Variants in LIPC observed in about 807,000 individuals in gnomAD.
LIPC encodes the protein lipase C, hepatic type.
Under a neutral mutation model 50.7 loss-of-function variants are expected in LIPC, and 44 were observed. That is an observed-to-expected ratio of 0.87 (90% CI 0.68 to 1.11). LIPC has a LOEUF of 1.11. Among genes scored for constraint, LIPC ranks in the 50% most tolerant of loss-of-function variants. The probability of loss-of-function intolerance (pLI) is 0.00; values close to 1 mark genes in which losing one functional copy is unlikely to be tolerated. For missense variants in LIPC, 697 were observed against 648.2 expected, an observed-to-expected ratio of 1.08 and a Z score of -0.82; for synonymous variants, 271 against 256.4, an observed-to-expected ratio of 1.06 and a Z score of -0.54.
At position 58,548,561 on chromosome 15, in the gene LIPC, C is replaced by T. The variant is rs771057642; in HGVS notation, c.1040C>T (p.Ser347Phe). The T allele has an allele frequency of 4.4e-6, 7 of 1,591,074 alleles. No homozygotes were observed. The highest frequency in any genetic ancestry group is 1.8e-5 in the Admixed American group (1 of 55,990). ...CTCTTCCTCGTAACGCGAGCCCAGT[C>T]CCCCTTCAAAGGTGAGTGTGGAGCT... ...KRLFLVTRAQ[S>F]PFKVYHYQFK... Residue 347 changes from serine (S) to phenylalanine (F), a missense_variant, in exon 6 of 9, where the codon TCC becomes TTC. Ser to Phe is a radical substitution (Grantham distance 155, BLOSUM62 -2). Coordinates refer to ENST00000299022, the MANE Select transcript of LIPC (RefSeq NM_000236.3).
chr15:58,449,771 T>A (rs199591803), intron 1 of LIPC, among the ~76,000 whole-genome samples: 7 of 152,136 alleles, frequency 4.6e-5, no homozygotes, highest in Admixed American at 4.6e-4. Flanking sequence ...AACTCCTGAC[T>A]TCAAGAGATC....
intron 1 of LIPC, among the ~76,000 whole-genome samples, chr15:58,434,135 C>G (rs1279118372): frequency 6.6e-6 from 1 of 152,024 alleles, no homozygotes; most frequent in African/African-American, 2.4e-5. Flanking sequence ...GGGTAGAGGC[C>G]AGGGAAGCTG....
At position 58,538,513 on chromosome 15, in the gene LIPC, G is replaced by T; in HGVS notation, c.269G>T (p.Trp90Leu). The T allele has an allele frequency of 6.2e-7, 1 of 1,613,872 alleles. No individual in the cohort carries two copies. Among genetic ancestry groups the T allele is most frequent in the Admixed American group, 1.7e-5 (1 of 59,998 alleles). ...CCTCTGGTGATGATAATCCACGGGTGGTCGGTAGGAAATGCTGACATGCCG... is the reference window on the plus strand; with the variant it reads ...CCTCTGGTGATGATAATCCACGGGTTGTCGGTAGGAAATGCTGACATGCCG... Reference protein sequence around the residue: ...SLPLVMIIHGWSVDGVLENWI... With the variant: ...SLPLVMIIHGLSVDGVLENWI... Residue 90 changes from tryptophan (W) to leucine (L), a missense_variant, in exon 2 of 9, where the codon TGG becomes TTG. Transcript: ENST00000299022.
chr15:58,482,695 C>A (rs1171985599), intron 1 of LIPC, among the ~76,000 whole-genome samples: 4 of 152,146 alleles, frequency 2.6e-5, no homozygotes, highest in African/African-American at 9.7e-5. Context: ...TGGATGTCCC[C>A]CTAATCCCCT....
chr15:58,533,741 T>C (rs1220346773), intron 1 of LIPC, among the ~76,000 whole-genome samples: 2 of 152,180 alleles, frequency 1.3e-5, no homozygotes, highest in African/African-American at 4.8e-5. Context: ...GGAACAAATA[T>C]CTCCATAAGA....
At chr15:58,438,032 AG>A (rs1893366742) in intron 1 of LIPC, among the ~76,000 whole-genome samples, 2 of 152,108 alleles carry the variant, frequency 1.3e-5, no homozygotes, top group African/African-American at 4.8e-5. Flanking sequence ...AGCTGGAGAG[AG>A]AAACTGCAGG....
At chr15:58,531,873 A>C (rs1314218552) in intron 1 of LIPC, among the ~76,000 whole-genome samples, 2 of 152,166 alleles carry the variant, frequency 1.3e-5, no homozygotes, top group Admixed American at 6.5e-5. Context: ...CACTCAAGAC[A>C]AACTTAGGAA....
intron 1 of LIPC, among the ~76,000 whole-genome samples, chr15:58,470,693 G>A (rs571175684): frequency 1.0e-4 from 15 of 149,902 alleles, no homozygotes; most frequent in Non-Finnish European, 1.5e-4. Context: ...TCCGCCTCCC[G>A]GGTGCACACC....
chr15:58,487,318 T>C (rs775776085), intron 1 of LIPC, among the ~76,000 whole-genome samples: 3 of 152,206 alleles, frequency 2.0e-5, no homozygotes, highest in Non-Finnish European at 2.9e-5. Context: ...CTCTCCCTCA[T>C]GGGCTCACAG....
intron 1 of LIPC, 55 bp downstream of exon 1, chr15:58,432,175 G>A (rs1465944922): frequency 7.8e-7 from 1 of 1,278,728 alleles, no homozygotes; most frequent in Non-Finnish European, 1.1e-6. Context: ...TTTAAAACGT[G>A]TGTCACAAAG....
At position 58,548,452 on chromosome 15, in the gene LIPC, G is replaced by A. The variant is rs1329693245; in HGVS notation, c.931G>A (p.Gly311Ser). ...TGGTGACATGAACAGCTTCAGCCAGGGCCTGTGCCTGAGCTGCAAGAAGGG... is the reference window on the plus strand; with the variant it reads ...TGGTGACATGAACAGCTTCAGCCAGAGCCTGTGCCTGAGCTGCAAGAAGGG... ...PCGDMNSFSQ[G>S]LCLSCKKGRC... Residue 311 changes from glycine (G) to serine (S), a missense_variant, in exon 6 of 9, where the codon GGC becomes AGC. Physicochemically the swap from Gly to Ser is moderately conservative, Grantham distance 56. Coordinates refer to ENST00000299022, the MANE Select transcript of LIPC (RefSeq NM_000236.3). 3 of 1,613,612 alleles carry A rather than the reference G, an allele frequency of 1.9e-6. No individual in the cohort carries two copies. The highest frequency in any genetic ancestry group is 2.2e-5 in the East Asian group (1 of 44,886).
intron 5 of LIPC, 118 bp from the exon 6 acceptor site, chr15:58,548,212 C>A (rs1169268598): frequency 4.4e-6 from 6 of 1,358,638 alleles, no homozygotes; most frequent in Non-Finnish European, 5.3e-6. Flanking sequence ...ACAAGCCCAC[C>A]CTTGCCTGTT....
At chr15:58,496,977 G>A (rs551426801) in intron 1 of LIPC, among the ~76,000 whole-genome samples, 3 of 152,204 alleles carry the variant, frequency 2.0e-5, no homozygotes, top group South Asian at 4.2e-4. Flanking sequence ...AAGCCACCGC[G>A]CCCGGCCCTT....
chr15:58,556,580 T>C (rs1893963453), intron 6 of LIPC, among the ~76,000 whole-genome samples: 1 of 152,242 alleles, frequency 6.6e-6, no homozygotes, highest in Non-Finnish European at 1.5e-5. Context: ...CCTACTTCTA[T>C]GCATTCTGTT....
At chr15:58,541,496 G>C (rs1441375718) in intron 2 of LIPC, among the ~76,000 whole-genome samples, 1 of 151,820 alleles carries the variant, frequency 6.6e-6, no homozygotes, top group Admixed American at 6.6e-5. Context: ...GAGGGGGCGG[G>C]GGGGAACGTT....
At chr15:58,536,348 C>T (rs1230735341) in intron 1 of LIPC, among the ~76,000 whole-genome samples, 2 of 152,126 alleles carry the variant, frequency 1.3e-5, no homozygotes, top group Non-Finnish European at 2.9e-5. Context: ...GTGGCCTTGG[C>T]TGCAATACCA....
rs766833323 is a variant in LIPC at position 58,568,709 on chromosome 15, T to C, written c.1389-7T>C. Reference sequence around the variant, plus strand: ...AATGCTGTGTTTGCTTCCTGTTTTCTATTCAGAATGACATTTTGTTCAGAA... The same window carrying C: ...AATGCTGTGTTTGCTTCCTGTTTTCCATTCAGAATGACATTTTGTTCAGAA... On this transcript the variant is annotated splice_polypyrimidine_tract_variant and splice_region_variant and intron_variant, in intron 8 of 8. Transcript: ENST00000299022. 1.3e-6 allele frequency: 2 copies of C among 1,527,202 alleles called. No individual in the cohort carries two copies. The highest frequency in any genetic ancestry group is 2.3e-5 in the South Asian group (2 of 88,436). 94.6% of individuals were successfully genotyped at this position (1,527,202 alleles called of 1,614,324 possible).
At chr15:58,503,786 C>T (rs145445725) in intron 1 of LIPC, among the ~76,000 whole-genome samples, 57 of 152,272 alleles carry the variant, frequency 3.7e-4, no homozygotes, top group African/African-American at 1.3e-3. Flanking sequence ...GTCACCTGGA[C>T]ACAGCAGTGG....
chr15:58,470,094 G>T (rs1410065217), intron 1 of LIPC, among the ~76,000 whole-genome samples: 1 of 151,856 alleles, frequency 6.6e-6, no homozygotes, highest in Non-Finnish European at 1.5e-5. Flanking sequence ...CACCACACCC[G>T]GATAATTTTT....
Sources: allele counts gnomAD v4.1 joint callset (sites outside exome capture counted in the v4.1 genomes callset), GRCh38; gene constraint gnomAD v4.1.1; transcripts MANE v1.5; gene names NCBI Gene and HGNC (gene_info 2026-07-23, HGNC 2026-07-21).